RELN: variants seen among roughly 807,000 people sequenced by gnomAD.
The protein encoded by RELN is reelin.
A neutral mutation model predicts 427.6 loss-of-function variants in RELN; 108 were observed. The ratio of observed to expected loss-of-function variants is 0.25; its 90% CI spans 0.22 to 0.30. The LOEUF (loss-of-function observed/expected upper bound fraction) is 0.30. Among genes scored for constraint, RELN ranks in the 10% least tolerant of loss-of-function variants. The pLI, the probability that RELN is intolerant of heterozygous loss-of-function variation, is 1.00. For missense variants in RELN, 3,715 were observed against 4,302.8 expected (o/e 0.86, Z 3.82); for synonymous variants, 1,524 against 1,513.4 (o/e 1.01, Z -0.16).
intron 11 of RELN, among the ~76,000 whole-genome samples, chr7:103,676,372 T>C (rs1833524959): frequency 2.0e-5 from 3 of 152,166 alleles, no homozygotes; most frequent in South Asian, 4.1e-4. Context: ...ATGGCAATCA[T>C]TAAAAAGTCA....
Position 103,610,709 on chromosome 7 carries a change from A to ACTCTCC in RELN, c.2993_2994insGGAGAG (p.Leu998_Pro999insGluSer), listed in dbSNP as rs1430767954. ...TGTCATCTCACCAAGTTTTCTGGGG[A>ACTCTCC]AGAAGCACTATGACTCTCCTCCACT... On this transcript the variant is annotated inframe_insertion, in exon 22 of 65. Transcript: ENST00000428762. 1.3e-6 allele frequency: 2 copies of ACTCTCC among 1,572,662 alleles called. No homozygotes were observed. The highest frequency in any genetic ancestry group is 2.7e-5 in the African/African-American group (2 of 73,998).
At chr7:103,851,720 C>G (rs1563051216) in intron 2 of RELN, among the ~76,000 whole-genome samples, 1 of 152,156 alleles carries the variant, frequency 6.6e-6, no homozygotes, top group Non-Finnish European at 1.5e-5. Flanking sequence ...TGCCCAACGC[C>G]CATTCTTTTC....
intron 20 of RELN, among the ~76,000 whole-genome samples, chr7:103,613,268 G>A (rs1485780107): frequency 6.6e-6 from 1 of 152,160 alleles, no homozygotes; most frequent in African/African-American, 2.4e-5. Context: ...GTTACTGTAA[G>A]ATTGGGAGAG....
chr7:103,816,654 T>C (rs1331074887), intron 3 of RELN, among the ~76,000 whole-genome samples: 1 of 152,032 alleles, frequency 6.6e-6, no homozygotes, highest in African/African-American at 2.4e-5. Context: ...TCCAGGGATC[T>C]GTAAGACCAA....
intron 4 of RELN, among the ~76,000 whole-genome samples, chr7:103,762,179 G>A (rs773907601): frequency 4.6e-5 from 7 of 152,166 alleles, no homozygotes; most frequent in Non-Finnish European, 7.3e-5. Context: ...GAATGGGCAT[G>A]CTTCCTTGGC....
intron 63 of RELN, among the ~76,000 whole-genome samples, chr7:103,480,546 A>T (rs1828197272): frequency 1.3e-5 from 2 of 152,222 alleles, no homozygotes; most frequent in African/African-American, 4.8e-5. Context: ...GCAAAACATC[A>T]AAAACATAGT....
At chr7:103,622,350 C>T (rs2117316337) in intron 20 of RELN, among the ~76,000 whole-genome samples, 1 of 152,312 alleles carries the variant, frequency 6.6e-6, no homozygotes. Context: ...GTCCATTCAT[C>T]CACTGCCACC....
chr7:103,893,205 C>T (rs1200676243), intron 2 of RELN, among the ~76,000 whole-genome samples: 1 of 152,072 alleles, frequency 6.6e-6, no homozygotes, highest in African/African-American at 2.4e-5. Context: ...AGAGCCAGAC[C>T]CCCCAGAAAT....
Position 103,488,145 on chromosome 7 carries a change from G to A in RELN, c.9763+1597C>T, listed in dbSNP as rs559594758. ...CCTGGGCAACAAGAGTGAAAACTCCGTCTCAAAAAAAAAAAAGATATTCAG... is the reference window on the plus strand; with the variant it reads ...CCTGGGCAACAAGAGTGAAAACTCCATCTCAAAAAAAAAAAAGATATTCAG... On this transcript the variant is annotated intron_variant, in intron 60 of 64. Transcript: ENST00000428762. Among the ~76,000 whole-genome samples, 43 of 115,188 alleles carry A rather than the reference G, an allele frequency of 3.7e-4. No individual in the cohort carries two copies. The East Asian group carries it at 8.7e-3, about 23-fold the overall frequency. The allele number at this position is 115,188 out of a possible 152,430, so 75.6% of individuals were successfully genotyped here.
intron 11 of RELN, among the ~76,000 whole-genome samples, chr7:103,663,160 C>T (rs1294476911): frequency 6.6e-6 from 1 of 152,158 alleles, no homozygotes; most frequent in East Asian, 1.9e-4. Flanking sequence ...TCCTCCTACC[C>T]AGCCCCACCA....
At chr7:103,553,854 A>G in intron 38 of RELN, 23 bp from the exon 39 acceptor site, 7 of 1,603,372 alleles carry the variant, frequency 4.4e-6, no homozygotes, top group Non-Finnish European at 6.0e-6. Flanking sequence ...TGGATAAAGC[A>G]AGTTTTTCCA....
intron 3 of RELN, among the ~76,000 whole-genome samples, chr7:103,794,910 C>G (rs972639128): frequency 6.6e-6 from 1 of 152,188 alleles, no homozygotes; most frequent in African/African-American, 2.4e-5. Flanking sequence ...TGTAAGAACT[C>G]AGCCCATATC....
At chr7:103,676,840 G>A (rs1833537435) in intron 11 of RELN, among the ~76,000 whole-genome samples, 1 of 151,934 alleles carries the variant, frequency 6.6e-6, no homozygotes, top group African/African-American at 2.4e-5. Flanking sequence ...ATTGAACAAT[G>A]AGAATACTTG....
chr7:103,493,588 C>T (rs76434469), intron 57 of RELN, among the ~76,000 whole-genome samples: 5 of 152,182 alleles, frequency 3.3e-5, no homozygotes, highest in East Asian at 1.9e-4. Flanking sequence ...GGATACAATT[C>T]CTGATGGTGA....
intron 24 of RELN, among the ~76,000 whole-genome samples, chr7:103,599,307 T>C (rs899274992): frequency 1.3e-5 from 2 of 152,156 alleles, no homozygotes; most frequent in Non-Finnish European, 2.9e-5. Context: ...CAGAACACCA[T>C]GTATTATAAA....
intron 6 of RELN, among the ~76,000 whole-genome samples, chr7:103,730,181 A>G (rs896917413): frequency 6.6e-6 from 1 of 152,126 alleles, no homozygotes; most frequent in Non-Finnish European, 1.5e-5. Context: ...AGTGACTCTA[A>G]ACTAAAAGTG....
chr7:103,527,573 C>T (rs1201478239), intron 46 of RELN, among the ~76,000 whole-genome samples: 1 of 152,208 alleles, frequency 6.6e-6, no homozygotes, highest in African/African-American at 2.4e-5. Flanking sequence ...TGTGTTGCAG[C>T]TATATGTGTC....
intron 36 of RELN, among the ~76,000 whole-genome samples, chr7:103,558,693 G>T (rs1830577317): frequency 6.6e-6 from 1 of 152,210 alleles, no homozygotes; most frequent in Admixed American, 6.5e-5. Flanking sequence ...ATTTCTGGTT[G>T]CCTAGGATTG....
In RELN at chr7:103,561,813, A is replaced by G. The variant is rs1318836859; in HGVS notation, c.5351T>C (p.Val1784Ala). ...GAAACTGTCAGTTTTATTAACTTACACACAGCGTCCAGCATCACAAATCCC... is the reference window on the plus strand; with the variant it reads ...GAAACTGTCAGTTTTATTAACTTACGCACAGCGTCCAGCATCACAAATCCC... Reference protein sequence around the residue: ...GRGICDAGRCVCDRGFGGPYC... With the variant: ...GRGICDAGRCACDRGFGGPYC... The change falls in exon 35 of 65, where the codon GTG (valine) becomes GCG (alanine). Residue 1784 changes from valine (V) to alanine (A), a missense_variant and splice_region_variant. Coordinates refer to ENST00000428762, the MANE Select transcript of RELN (RefSeq NM_005045.4). 1 of 1,614,046 alleles carries G rather than the reference A, an allele frequency of 6.2e-7. No individual in the cohort carries two copies. Among genetic ancestry groups the G allele is most frequent in the South Asian group, 1.1e-5 (1 of 91,078 alleles).
Sources: allele counts gnomAD v4.1 joint callset (sites outside exome capture counted in the v4.1 genomes callset), GRCh38; gene constraint gnomAD v4.1.1; transcripts MANE v1.5; gene names NCBI Gene and HGNC (gene_info 2026-07-23, HGNC 2026-07-21).